The following MINAR1 variants were observed in gnomAD, a reference collection of about 807,000 sequenced individuals.
The protein encoded by MINAR1 is membrane integral NOTCH2 associated receptor 1.
MINAR1 carries 40 observed loss-of-function variants against 65.1 expected under a neutral mutation model. The observed-to-expected ratio is 0.61, with a 90% CI of 0.48 to 0.80. The LOEUF (loss-of-function observed/expected upper bound fraction) is 0.80. Among genes scored for constraint, MINAR1 ranks in the 30% least tolerant of loss-of-function variants. The probability of loss-of-function intolerance (pLI) is 0.00; values close to 1 mark genes in which losing one functional copy is unlikely to be tolerated. For missense variants in MINAR1, 1,128 were observed against 1,148.0 expected, an observed-to-expected ratio of 0.98 and a Z score of 0.25; for synonymous variants, 482 against 449.1, an observed-to-expected ratio of 1.07 and a Z score of -0.93.
At chr15:79,427,088 A>G in the MINAR1 span, 1 of 152,268 alleles carries the variant, frequency 6.6e-6, no homozygotes, top group Non-Finnish European at 1.5e-5. Flanking sequence ...CTATGCAGCC[A>G]TGAAAAAACA....
intron 1 of MINAR1, among the ~76,000 whole-genome samples, chr15:79,439,673 T>C (rs540982107): frequency 6.6e-6 from 1 of 151,972 alleles, no homozygotes; most frequent in South Asian, 2.1e-4. Flanking sequence ...GCTGCTCCCC[T>C]TCCTCTAGCC....
intron 1 of MINAR1, among the ~76,000 whole-genome samples, chr15:79,454,368 T>G (rs186186961): frequency 6.6e-6 from 1 of 152,346 alleles, no homozygotes; most frequent in East Asian, 1.9e-4. Flanking sequence ...GCTGCTAAAA[T>G]TTAATCCAAA....
rs1048134096 is a variant in MINAR1, at chr15:79,470,734, A to C, written c.*2350A>C. On this transcript the variant is annotated 3_prime_UTR_variant, in exon 4 of 4. Coordinates refer to ENST00000305428, the MANE Select transcript of MINAR1 (RefSeq NM_015206.3). Reference sequence around the variant, plus strand: ...TGAGTCCACAGTAGCTTTAAAATTCAACTCAACATTGTTGTCACGTAACGG... The same window carrying C: ...TGAGTCCACAGTAGCTTTAAAATTCCACTCAACATTGTTGTCACGTAACGG... 6.6e-6 allele frequency: 1 copy of C among 152,214 alleles called. No homozygotes were observed. 9.4% of individuals were successfully genotyped at this position (152,214 alleles called of 1,614,324 possible). A position where few individuals can be genotyped will look rare whatever the true frequency, so the allele number is the denominator to read the frequency against.
chr15:79,412,606 G>A, the MINAR1 span: 1 of 152,592 alleles, frequency 6.6e-6, no homozygotes. Flanking sequence ...CATTGGGCGT[G>A]AGGGGCCCAC....
At chr15:79,419,066 C>A in the MINAR1 span, 2 of 152,234 alleles carry the variant, frequency 1.3e-5, no homozygotes, top group Admixed American at 1.3e-4. Context: ...ATCGACCCTA[C>A]TGGGACTTCA....
intron 3 of MINAR1, chr15:79,463,781 C>T (rs1895740077): frequency 4.4e-6 from 2 of 456,860 alleles, no homozygotes; most frequent in African/African-American, 4.0e-5. Flanking sequence ...TCCCCGGAAG[C>T]TCTGTGAATG....
Position 79,470,799 on chromosome 15 carries a change from T to C in MINAR1, c.*2415T>C, listed in dbSNP as rs1227672534. The C allele has an allele frequency of 1.3e-5, 2 of 152,192 alleles. No individual in the cohort carries two copies. The highest frequency in any genetic ancestry group is 2.4e-5 in the African/African-American group (1 of 41,438). 9.4% of individuals were successfully genotyped at this position (152,192 alleles called of 1,614,324 possible). A position where few individuals can be genotyped will look rare whatever the true frequency, so the allele number is the denominator to read the frequency against. On this transcript the variant is annotated 3_prime_UTR_variant, in exon 4 of 4. Coordinates refer to ENST00000305428, the MANE Select transcript of MINAR1 (RefSeq NM_015206.3). ...GGTAATAATCCAGGAAATTGCAAAA[T>C]GGAGGCCAAAAGTAAGGTGGGTTTC...
intron 1 of MINAR1, among the ~76,000 whole-genome samples, chr15:79,435,778 G>T (rs775662350): frequency 6.6e-6 from 1 of 152,232 alleles, no homozygotes; most frequent in Non-Finnish European, 1.5e-5. Context: ...GCCTGGCACA[G>T]ACAGATTTTG....
At position 79,467,447 on chromosome 15, in the gene MINAR1, C is replaced by T. The variant is rs16970976; in HGVS notation, c.2554-740C>T. ...AACTGTCAACGTGGAATAGGATTCA[C>T]GGAAAATACAAGTTAAATATGGTAT... On this transcript the variant is annotated intron_variant, in intron 3 of 3. Coordinates refer to ENST00000305428, the MANE Select transcript of MINAR1 (RefSeq NM_015206.3). 7.2e-3 allele frequency among the ~76,000 whole-genome samples: 1,098 copies of T among 152,260 alleles called. 12 individuals carry two copies. Among genetic ancestry groups the T allele is most frequent in the African/African-American group, 0.024 (1,011 of 41,544 alleles).
intron 3 of MINAR1, among the ~76,000 whole-genome samples, chr15:79,464,907 G>A (rs187381379): frequency 4.0e-4 from 57 of 141,698 alleles, no homozygotes; most frequent in Non-Finnish European, 6.9e-4. Context: ...TTCTCCCTCC[G>A]GTGGAATATT....
intron 1 of MINAR1, among the ~76,000 whole-genome samples, chr15:79,436,870 T>C (rs971448987): frequency 2.0e-5 from 3 of 152,210 alleles, no homozygotes; most frequent in Non-Finnish European, 4.4e-5. Context: ...TCTCAGCCAG[T>C]GAGCCCTCCA....
rs1430262960 is a variant in MINAR1, at chr15:79,456,930, A to G, written c.783A>G (p.Lys261=). 1 of 1,614,158 alleles carries G rather than the reference A, an allele frequency of 6.2e-7. No individual in the cohort carries two copies. The highest frequency in any genetic ancestry group is 1.3e-5 in the African/African-American group (1 of 75,042). The change falls in exon 2 of 4, where the codon AAA becomes AAG. Residue 261 remains lysine, a synonymous_variant. Transcript: ENST00000305428. ...GTGTCCAGAAAAGGAATATCTTCAA[A>G]GAGGATTTTCACAATTTGATGGCAG... ...QSCVQKRNIF[K]EDFHNLMAVS...
intron 2 of MINAR1, among the ~76,000 whole-genome samples, chr15:79,460,710 ACT>A (rs1222600381): frequency 6.6e-6 from 1 of 150,874 alleles, no homozygotes; most frequent in Non-Finnish European, 1.5e-5. Context: ...CTCTTCTCTG[ACT>A]CTCCTTTGCC....
At chr15:79,459,556 G>C (rs28464291) in intron 2 of MINAR1, among the ~76,000 whole-genome samples, 10,582 of 152,186 alleles carry the variant, frequency 0.07, 553 homozygotes, top group East Asian at 0.29. Context: ...AGTGGACAGA[G>C]AAGGCCCTAC....
rs2297772 is a variant in MINAR1 at position 79,463,452 on chromosome 15, G to C, written c.2553+131G>C. 0.014 allele frequency: 14,799 copies of C among 1,038,256 alleles called. 1,793 individuals are homozygous for C. The East Asian group carries it at 0.29, about 21-fold the overall frequency. The allele number at this position is 1,038,256 out of a possible 1,614,324, so 64.3% of individuals were successfully genotyped here. A position where few individuals can be genotyped will look rare whatever the true frequency, so the allele number is the denominator to read the frequency against. ...TTCAACTCCCTGGGCCCCCAACATG[G>C]AATTCAGAACTTTAATAAATCATAG... On this transcript the variant is annotated intron_variant, in intron 3 of 3. Coordinates refer to ENST00000305428, the MANE Select transcript of MINAR1 (RefSeq NM_015206.3).
At chr15:79,427,075 A>C in the MINAR1 span, 2 of 152,246 alleles carry the variant, frequency 1.3e-5, no homozygotes, top group African/African-American at 4.8e-5. Flanking sequence ...GCACCATGGA[A>C]TACTATGCAG....
intron 1 of MINAR1, among the ~76,000 whole-genome samples, chr15:79,445,150 T>A (rs945144100): frequency 5.9e-5 from 9 of 152,104 alleles, no homozygotes; most frequent in Non-Finnish European, 1.2e-4. Context: ...CCCTAATGAT[T>A]TTTAACCTTA....
intron 1 of MINAR1, among the ~76,000 whole-genome samples, chr15:79,452,652 G>C (rs576188496): frequency 6.7e-6 from 1 of 149,764 alleles, no homozygotes; most frequent in Non-Finnish European, 1.5e-5. Context: ...GTGTGTGTCT[G>C]GGTGAGTGTG....
At chr15:79,413,753 C>G in the MINAR1 span, 2 of 152,168 alleles carry the variant, frequency 1.3e-5, no homozygotes, top group Non-Finnish European at 2.9e-5. Flanking sequence ...CAGTGTGTAT[C>G]CCAGCACTAT....
Sources: allele counts gnomAD v4.1 joint callset (sites outside exome capture counted in the v4.1 genomes callset), GRCh38; gene constraint gnomAD v4.1.1; transcripts MANE v1.5; gene names NCBI Gene and HGNC (gene_info 2026-07-23, HGNC 2026-07-21).